Variants in PIWIL1 observed in about 807,000 individuals in gnomAD.
PIWIL1 encodes piwi like RNA-mediated gene silencing 1, also known as piwi-like protein 1.
A neutral mutation model predicts 114.4 loss-of-function variants in PIWIL1; 73 were observed. The ratio of observed to expected loss-of-function variants is 0.64; its 90% confidence interval spans 0.53 to 0.78. The LOEUF (loss-of-function observed/expected upper bound fraction) is 0.78, where lower values mean the gene tolerates loss of function less well. Among genes scored for constraint, PIWIL1 ranks in the 30% least tolerant of loss-of-function variants. PIWIL1 has a pLI of 0.00. For synonymous variants in PIWIL1, 375 were observed against 369.0 expected (o/e 1.02, Z -0.19); for missense variants, 723 against 1,063.1 (o/e 0.68, Z 4.45).
Position 130,363,142 on chromosome 12 carries a change from C to T in PIWIL1, c.2193C>T (p.Tyr731=), listed in dbSNP as rs1184799648. 13 of 1,612,914 alleles carry T rather than the reference C, an allele frequency of 8.1e-6. No individual in the cohort carries two copies. The Admixed American group carries it at 1.7e-4, about 21-fold the overall frequency. The change falls in exon 18 of 21, where the codon TAC becomes TAT. Residue 731 remains tyrosine, a splice_region_variant and synonymous_variant. Transcript: ENST00000245255. ...GTCTAAAATCCATTGGTAGAGGTTACAAGTAAGCATGCAAATTGTAAAGCA... is the reference window on the plus strand; with the variant it reads ...GTCTAAAATCCATTGGTAGAGGTTATAAGTAAGCATGCAAATTGTAAAGCA... ...LDCLKSIGRG[Y]NPRLTVIVVK...
At chr12:130,421,691 ATGTGTGTGTG>A in the PIWIL1 span, among the ~76,000 whole-genome samples, 2 of 147,188 alleles carry the variant, frequency 1.4e-5, no homozygotes, top group Admixed American at 6.8e-5. Flanking sequence ...CTGCATTTAT[ATGTGTGTGTG>A]TGTGTGTGTG....
At chr12:130,377,377 C>T (rs1048425284), downstream of PIWIL1, among the ~76,000 whole-genome samples, 7 of 152,156 alleles carry the variant, frequency 4.6e-5, no homozygotes, top group Admixed American at 2.0e-4. Flanking sequence ...GTGCACATGG[C>T]GGTCACCAGG....
At chr12:130,407,610 G>T in the PIWIL1 span, 1 of 855,524 alleles carries the variant, frequency 1.2e-6, no homozygotes, top group Non-Finnish European at 2.0e-6. Context: ...CCTTCCTACG[G>T]ATGGTTCGGA....
intron 7 of PIWIL1, 142 bp downstream of exon 7, chr12:130,348,325 TGAG>T (rs779120662): frequency 6.3e-4 from 362 of 573,546 alleles, no homozygotes; most frequent in South Asian, 8.1e-4. Flanking sequence ...ACTTGAATAA[TGAG>T]GAGACATCCC....
the PIWIL1 span, among the ~76,000 whole-genome samples, chr12:130,412,209 A>C: frequency 6.6e-6 from 1 of 152,230 alleles, no homozygotes; most frequent in African/African-American, 2.4e-5. Flanking sequence ...TGCCTCTTGG[A>C]TAAGCAAAGG....
At chr12:130,357,821 T>G in intron 14 of PIWIL1, among the ~76,000 whole-genome samples, 1 of 152,172 alleles carries the variant, frequency 6.6e-6, no homozygotes, top group Admixed American at 6.5e-5. Context: ...AAGGCTTTAC[T>G]TAGTCTAGAA....
At chr12:130,389,824 G>A in the PIWIL1 span, among the ~76,000 whole-genome samples, 8,661 of 152,030 alleles carry the variant, frequency 0.057, 834 homozygotes, top group African/African-American at 0.2. Flanking sequence ...GTCTTTTCTC[G>A]TATAAAGTTA....
intron 9 of PIWIL1, among the ~76,000 whole-genome samples, chr12:130,352,869 G>A (rs911940893): frequency 6.6e-6 from 1 of 152,174 alleles, no homozygotes; most frequent in African/African-American, 2.4e-5. Context: ...GATGTGGTGT[G>A]GAGGGTAACT....
Position 130,371,949 on chromosome 12 carries a change from C to G in PIWIL1, c.*351C>G, listed in dbSNP as rs2073826477. 1 of 159,648 alleles carries G rather than the reference C, an allele frequency of 6.3e-6. No individual in the cohort carries two copies. Among genetic ancestry groups the G allele is most frequent in the African/African-American group, 2.4e-5 (1 of 41,512 alleles). 9.9% of individuals were successfully genotyped at this position (159,648 alleles called of 1,614,324 possible). On this transcript the variant is annotated 3_prime_UTR_variant, in exon 21 of 21. Transcript: ENST00000245255. ...AACGTACTTTCAGGAGTGAGCAAGT[C>G]CTACTTATAAACCTATATTAACTTT...
the PIWIL1 span, chr12:130,407,804 A>G: frequency 3.7e-6 from 6 of 1,613,750 alleles, no homozygotes; most frequent in South Asian, 5.5e-5. Context: ...ATACCGAATG[A>G]CGCCTGCCAC....
At chr12:130,419,696 A>C in the PIWIL1 span, 1 of 152,260 alleles carries the variant, frequency 6.6e-6, no homozygotes, top group Non-Finnish European at 1.5e-5. This position sits in a 1 kb window ranked among gnomAD's most constrained non-coding sequence, Gnocchi z 4.3. Context: ...AAAATAACAA[A>C]AAATGGGAGA....
chr12:130,347,732 A>G (rs928613661), intron 6 of PIWIL1, among the ~76,000 whole-genome samples: 1 of 151,684 alleles, frequency 6.6e-6, no homozygotes, highest in African/African-American at 2.4e-5. Context: ...AGGGCCAGAT[A>G]GTAAACATCG....
chr12:130,351,484 T>C (rs534956764), intron 9 of PIWIL1: 9 of 152,338 alleles, frequency 5.9e-5, no homozygotes, highest in African/African-American at 1.9e-4. Flanking sequence ...AGTATTTGGA[T>C]GACTCAAAGA....
At chr12:130,411,474 A>C in the PIWIL1 span, among the ~76,000 whole-genome samples, 2 of 152,208 alleles carry the variant, frequency 1.3e-5, no homozygotes, top group African/African-American at 4.8e-5. Flanking sequence ...TAAGGATGAT[A>C]GTTTCTGGCA....
downstream of PIWIL1, among the ~76,000 whole-genome samples, chr12:130,376,339 G>A (rs1308950016): frequency 6.6e-6 from 1 of 152,222 alleles, no homozygotes; most frequent in Non-Finnish European, 1.5e-5. Context: ...GAATGATACT[G>A]TCAGCACATG....
At position 130,346,563 on chromosome 12, in the gene PIWIL1, A is replaced by G; in HGVS notation, c.510A>G (p.Leu170=). The change falls in exon 5 of 21, where the codon TTA becomes TTG. Residue 170 remains leucine (L), a synonymous_variant. Coordinates refer to ENST00000245255, the MANE Select transcript of PIWIL1 (RefSeq NM_004764.5). ...CTTTTGATGGAACGATATTATTTTT[A>G]CCTAAAAGACTACAGCAAAAGGTTA... is the stretch of plus-strand genomic sequence containing the variant. The part of the protein sequence containing the change: ...CHAFDGTILF[L]PKRLQQKVTE... 6.2e-7 allele frequency: 1 copy of G among 1,613,482 alleles called. No individual in the cohort carries two copies. The highest frequency in any genetic ancestry group is 1.3e-5 in the African/African-American group (1 of 75,020).
chr12:130,340,602 C>G (rs2072884789), intron 1 of PIWIL1, among the ~76,000 whole-genome samples: 1 of 73,564 alleles, frequency 1.4e-5, no homozygotes, highest in African/African-American at 6.4e-5. Flanking sequence ...CGGTACAGGT[C>G]CATGGGGCGT....
the PIWIL1 span, among the ~76,000 whole-genome samples, chr12:130,416,002 C>G: frequency 6.6e-6 from 1 of 151,688 alleles, no homozygotes; most frequent in South Asian, 2.1e-4. Context: ...TACATCTAAC[C>G]AAGACACACA....
chr12:130,418,573 G>A, the PIWIL1 span, among the ~76,000 whole-genome samples: 882 of 152,270 alleles, frequency 5.8e-3, 12 homozygotes, highest in African/African-American at 0.02. Flanking sequence ...TGCCAGTGGA[G>A]GAGAACCTCT....
Sources: gnomAD v4.1 joint callset for allele counts (sites outside exome capture counted in the v4.1 genomes callset) on GRCh38, gnomAD v4.1.1 for gene constraint, Gnocchi (gnomAD v3.1) non-coding constraint, MANE v1.5 for transcripts, NCBI Gene and HGNC (gene_info 2026-07-23, HGNC 2026-07-21) for gene names.